The following KCNAB1 variants were observed in gnomAD, a reference collection of about 807,000 sequenced individuals.
KCNAB1 encodes the protein potassium voltage-gated channel subfamily A regulatory beta subunit 1, also known as voltage-gated potassium channel subunit beta-1.
In KCNAB1, 35 loss-of-function variants were observed where a neutral mutation model predicts 64.6. The ratio of observed to expected loss-of-function variants is 0.54; its 90% CI spans 0.41 to 0.72. The LOEUF (loss-of-function observed/expected upper bound fraction) is 0.72. KCNAB1 is among the 30% of genes least tolerant of loss of function. The pLI, the probability that KCNAB1 is intolerant of heterozygous loss-of-function variation, is 0.00. For synonymous variants in KCNAB1, 177 were observed against 183.8 expected (o/e 0.96, Z 0.30); for missense variants, 401 against 512.9 (o/e 0.78, Z 2.11).
At position 156,322,996 on chromosome 3, in the gene KCNAB1, C is replaced by T. The variant is rs769511138; in HGVS notation, c.276-98620C>T. 3.3e-5 allele frequency among the ~76,000 whole-genome samples: 5 copies of T among 152,138 alleles called. No individual in the cohort carries two copies. The South Asian group carries it at 1.0e-3, about 32-fold the overall frequency. ...ATGCTACCGATGTGCCAAGAAGAAG[C>T]TCATATTTTAAATTATTTTTCCAAG... On this transcript the variant is annotated intron_variant, in intron 1 of 13. Transcript: ENST00000490337.
chr3:156,333,126 C>G (rs1353230496), intron 1 of KCNAB1, among the ~76,000 whole-genome samples: 1 of 152,118 alleles, frequency 6.6e-6, no homozygotes, highest in East Asian at 1.9e-4. Flanking sequence ...CTGTCTTACC[C>G]TACTCTTTTT....
intron 1 of KCNAB1, among the ~76,000 whole-genome samples, chr3:156,218,500 C>T (rs1252134909): frequency 1.3e-5 from 2 of 152,070 alleles, no homozygotes; most frequent in Non-Finnish European, 2.9e-5. Context: ...ACCAGTTGTC[C>T]CTAGGGCAAA....
intron 2 of KCNAB1, among the ~76,000 whole-genome samples, chr3:156,451,135 C>A (rs2108276212): frequency 6.6e-6 from 1 of 152,128 alleles, no homozygotes; most frequent in East Asian, 1.9e-4. Context: ...AGCTGGAAAT[C>A]AAAACATTTC....
intron 1 of KCNAB1, among the ~76,000 whole-genome samples, chr3:156,307,940 G>A (rs375615244): frequency 2.0e-5 from 3 of 152,148 alleles, no homozygotes; most frequent in Non-Finnish European, 2.9e-5. Context: ...GCACTGTTCC[G>A]GGTGTTGAGG....
chr3:156,494,739 G>A lies in KCNAB1; in HGVS notation c.659-19625G>A, dbSNP rs372679310. On this transcript the variant is annotated intron_variant, in intron 8 of 13. Coordinates refer to ENST00000490337, the MANE Select transcript of KCNAB1 (RefSeq NM_172160.3). The stretch of plus-strand genomic sequence containing the variant: ...TAAGTGACCTCAGGAAGCAGAATAT[G>A]GTTCCTGTGGGTTCCCAAAGAAGTT... Among the ~76,000 whole-genome samples the A allele has an allele frequency of 3.3e-5, 5 of 152,250 alleles. No individual in the cohort carries two copies. The East Asian group carries it at 9.7e-4, about 29-fold the overall frequency.
chr3:156,163,179 C>G (rs1716181922), intron 1 of KCNAB1, among the ~76,000 whole-genome samples: 1 of 152,170 alleles, frequency 6.6e-6, no homozygotes, highest in Non-Finnish European at 1.5e-5. Context: ...ACCCATATCT[C>G]AAGTGCTGAA....
chr3:156,157,797 A>G (rs1715808734), intron 1 of KCNAB1, among the ~76,000 whole-genome samples: 1 of 152,174 alleles, frequency 6.6e-6, no homozygotes, highest in Non-Finnish European at 1.5e-5. Flanking sequence ...AGGATGAAAA[A>G]CACACAAATA....
chr3:156,334,654 T>C (rs1013323102), intron 1 of KCNAB1, among the ~76,000 whole-genome samples: 1 of 152,208 alleles, frequency 6.6e-6, no homozygotes, highest in South Asian at 2.1e-4. Context: ...TAAATGTGCA[T>C]TTAATCCTTA....
chr3:156,420,995 TTATATTATAA>T (rs1432244638), intron 1 of KCNAB1, among the ~76,000 whole-genome samples: 1 of 148,990 alleles, frequency 6.7e-6, no homozygotes, highest in Non-Finnish European at 1.5e-5. Context: ...TATCTATGTA[TTATATTATAA>T]TATATTAAAT....
intron 1 of KCNAB1, among the ~76,000 whole-genome samples, chr3:156,349,615 G>T (rs935726307): frequency 1.3e-5 from 2 of 152,146 alleles, no homozygotes. Flanking sequence ...AGGCTGGAGT[G>T]CAGTGGCACC....
chr3:156,174,421 T>C (rs1560120140), intron 1 of KCNAB1, among the ~76,000 whole-genome samples: 4 of 152,168 alleles, frequency 2.6e-5, no homozygotes, highest in Admixed American at 2.6e-4. Flanking sequence ...CAGGAGGAGC[T>C]CTTTAGCTGT....
intron 1 of KCNAB1, among the ~76,000 whole-genome samples, chr3:156,188,001 C>A (rs1713311061): frequency 6.6e-6 from 1 of 152,122 alleles, no homozygotes; most frequent in African/African-American, 2.4e-5. Flanking sequence ...AATGTACAGG[C>A]AATATGGGAC....
At position 156,217,673 on chromosome 3, in the gene KCNAB1, T is replaced by C. The variant is rs190085585; in HGVS notation, c.275+96787T>C. ...AGTCTTGGAGCTGCTTTGGCATTTA[T>C]TATTGATATAGAAAGAGTGCTCATT... On this transcript the variant is annotated intron_variant, in intron 1 of 13. Coordinates refer to ENST00000490337, the MANE Select transcript of KCNAB1 (RefSeq NM_172160.3). Among the ~76,000 whole-genome samples, 353 of 152,378 alleles carry C rather than the reference T, an allele frequency of 2.3e-3. 2 individuals are homozygous for C. Among genetic ancestry groups the C allele is most frequent in the African/African-American group, 7.8e-3 (323 of 41,598 alleles).
intron 1 of KCNAB1, chr3:156,291,500 G>C (rs1720416870): frequency 9.4e-7 from 1 of 1,062,486 alleles, no homozygotes; most frequent in African/African-American, 1.7e-5. Flanking sequence ...CCCGCATTCA[G>C]ACACCGCGGA....
chr3:156,434,232 A>G (rs1022645592), intron 2 of KCNAB1, among the ~76,000 whole-genome samples: 5 of 152,214 alleles, frequency 3.3e-5, no homozygotes, highest in African/African-American at 9.6e-5. Flanking sequence ...GGCCAGATAC[A>G]TTTTAGTCAG....
intron 1 of KCNAB1, among the ~76,000 whole-genome samples, chr3:156,142,258 T>A (rs1384143565): frequency 6.6e-6 from 1 of 152,248 alleles, no homozygotes; most frequent in Non-Finnish European, 1.5e-5. Context: ...TTAATGTTGA[T>A]GAAATCTAAT....
At chr3:156,318,380 G>A (rs1237319298) in intron 1 of KCNAB1, among the ~76,000 whole-genome samples, 2 of 152,172 alleles carry the variant, frequency 1.3e-5, no homozygotes, top group Non-Finnish European at 2.9e-5. Flanking sequence ...GAGTGCCCCC[G>A]TAGGCCTCTA....
chr3:156,429,707 G>A (rs961682169), intron 2 of KCNAB1, among the ~76,000 whole-genome samples: 4 of 152,066 alleles, frequency 2.6e-5, no homozygotes, highest in Admixed American at 6.5e-5. Flanking sequence ...TGTTTAGGCC[G>A]ATATAAACTA....
intron 1 of KCNAB1, among the ~76,000 whole-genome samples, chr3:156,258,035 C>A (rs1185718600): frequency 6.6e-6 from 1 of 152,288 alleles, no homozygotes; most frequent in Admixed American, 6.5e-5. Flanking sequence ...TGCAATAACC[C>A]TAGGCAGCAT....
Sources: allele counts gnomAD v4.1 joint callset (sites outside exome capture counted in the v4.1 genomes callset), GRCh38; gene constraint gnomAD v4.1.1; transcripts MANE v1.5; gene names NCBI Gene and HGNC (gene_info 2026-07-23, HGNC 2026-07-21).